The following DRG1 variants were observed in gnomAD, a reference collection of about 807,000 sequenced individuals.
DRG1 encodes the protein developmentally-regulated GTP-binding protein 1.
A neutral mutation model predicts 38.8 loss-of-function variants in DRG1; 19 were observed. That is an observed-to-expected ratio of 0.49 (90% confidence interval 0.34 to 0.72). DRG1 has a LOEUF of 0.72. Among genes scored for constraint, DRG1 ranks in the 30% least tolerant of loss-of-function variants. The pLI is 0.01. For synonymous variants in DRG1, 167 were observed against 157.5 expected (o/e 1.06, Z -0.45); for missense variants, 299 against 444.8 (o/e 0.67, Z 2.95).
intron 4 of DRG1, among the ~76,000 whole-genome samples, chr22:31,413,763 G>A (rs1407129300): frequency 6.6e-6 from 1 of 151,808 alleles, no homozygotes; most frequent in Non-Finnish European, 1.5e-5. Flanking sequence ...ACAGGCACCT[G>A]CCACCACGCC....
chr22:31,409,727 C>G (rs1429915246), intron 3 of DRG1, among the ~76,000 whole-genome samples: 6 of 152,126 alleles, frequency 3.9e-5, no homozygotes, highest in African/African-American at 7.2e-5. Flanking sequence ...GGCATGGTGG[C>G]TCACTCCTGT....
intron 4 of DRG1, among the ~76,000 whole-genome samples, chr22:31,413,609 G>A (rs1417131331): frequency 1.7e-5 from 1 of 60,488 alleles, no homozygotes; most frequent in African/African-American, 7.2e-5. Flanking sequence ...CCTATTGTGG[G>A]TTTTTTTTTT....
At chr22:31,403,405 C>T (rs780905475) in intron 3 of DRG1, among the ~76,000 whole-genome samples, 11 of 152,046 alleles carry the variant, frequency 7.2e-5, no homozygotes, top group Non-Finnish European at 1.2e-4. Flanking sequence ...CAGTGGCTCA[C>T]GCCTGTAATC....
intron 6 of DRG1, among the ~76,000 whole-genome samples, chr22:31,424,644 G>A (rs991101411): frequency 3.3e-5 from 5 of 150,584 alleles, no homozygotes; most frequent in East Asian, 3.9e-4. Flanking sequence ...GATTATAGGC[G>A]CCTGCCACTA....
intron 5 of DRG1, among the ~76,000 whole-genome samples, chr22:31,422,109 CA>C (rs765984253): frequency 3.2e-4 from 39 of 122,334 alleles, no homozygotes; most frequent in Middle Eastern, 4.5e-3. Context: ...GACTCCGTCT[CA>C]AAAAAAAAAA....
chr22:31,424,014 G>A (rs1450348467), intron 6 of DRG1, among the ~76,000 whole-genome samples: 1 of 151,524 alleles, frequency 6.6e-6, no homozygotes, highest in African/African-American at 2.4e-5. Context: ...ACAGGCCTGT[G>A]CCGCCACGCC....
At chr22:31,433,607 T>TA (rs1601538468) in intron 8 of DRG1, among the ~76,000 whole-genome samples, 1 of 152,222 alleles carries the variant, frequency 6.6e-6, no homozygotes, top group East Asian at 1.9e-4. Context: ...TGCTTTCTTT[T>TA]AATTTTAAAC....
intron 1 of DRG1, 122 bp from the exon 2 acceptor site, chr22:31,400,498 C>T: frequency 7.7e-7 from 1 of 1,300,556 alleles, no homozygotes; most frequent in Non-Finnish European, 1.1e-6. Context: ...GACTTTTACT[C>T]TTTTAAAGCC....
chr22:31,399,824 C>T (rs898334036), intron 1 of DRG1, 99 bp downstream of exon 1: 26 of 1,568,068 alleles, frequency 1.7e-5, no homozygotes, highest in Non-Finnish European at 2.0e-5. Flanking sequence ...AGGACCGGGC[C>T]TAGATTCCGC....
chr22:31,419,691 T>C (rs940157919), intron 4 of DRG1, among the ~76,000 whole-genome samples: 1 of 152,086 alleles, frequency 6.6e-6, no homozygotes, highest in Non-Finnish European at 1.5e-5. Context: ...TATTGAACTG[T>C]GTGCTTTAAC....
chr22:31,406,091 T>C (rs2049989184), intron 3 of DRG1, among the ~76,000 whole-genome samples: 1 of 147,738 alleles, frequency 6.8e-6, no homozygotes, highest in South Asian at 2.3e-4. Context: ...TCCAACCTCC[T>C]CCCGGCTTCA....
At chr22:31,402,892 C>A in intron 2 of DRG1, 137 bp from the exon 3 acceptor site, 1 of 923,906 alleles carries the variant, frequency 1.1e-6, no homozygotes, top group Non-Finnish European at 1.6e-6. Flanking sequence ...TGCTTTAGTT[C>A]TCCTTTAAAG....
rs1555899171 is a variant in DRG1 at position 31,424,808 on chromosome 22, C to CA, written c.713+1398_713+1399insA. Among the ~76,000 whole-genome samples, 4 of 43,742 alleles carry CA rather than the reference C, an allele frequency of 9.1e-5. 1 individual carries two copies. Among genetic ancestry groups the CA allele is most frequent in the African/African-American group, 2.7e-4 (2 of 7,288 alleles). 28.7% of individuals were successfully genotyped at this position (43,742 alleles called of 152,430 possible). Reference sequence around the variant, plus strand: ...TGCTGTGCCCGGCACCCGCCCCCCCCCCCTTTTTTTTTTTTTTGGAGTCTT... The same window carrying CA: ...TGCTGTGCCCGGCACCCGCCCCCCCCACCCTTTTTTTTTTTTTTGGAGTCTT... On this transcript the variant is annotated intron_variant, in intron 6 of 8. Coordinates refer to ENST00000331457, the MANE Select transcript of DRG1 (RefSeq NM_004147.4).
At chr22:31,405,313 G>T (rs1000703195) in intron 3 of DRG1, among the ~76,000 whole-genome samples, 4 of 151,642 alleles carry the variant, frequency 2.6e-5, no homozygotes, top group Admixed American at 2.6e-4. Flanking sequence ...GACTACATGC[G>T]CATGCCACCA....
intron 7 of DRG1, 82 bp downstream of exon 7, chr22:31,426,864 A>G: frequency 6.5e-7 from 1 of 1,538,748 alleles, no homozygotes; most frequent in South Asian, 1.3e-5. Flanking sequence ...GCTCATTAAC[A>G]AAATCTGGCT....
At chr22:31,413,621 T>TG (rs1436531690) in intron 4 of DRG1, among the ~76,000 whole-genome samples, 1 of 141,104 alleles carries the variant, frequency 7.1e-6, no homozygotes, top group Non-Finnish European at 1.5e-5. Context: ...TTTTTTTTTT[T>TG]TTTTTTTTTT....
intron 4 of DRG1, among the ~76,000 whole-genome samples, chr22:31,416,406 C>A (rs915297003): frequency 2.6e-5 from 4 of 152,204 alleles, no homozygotes; most frequent in African/African-American, 9.6e-5. Flanking sequence ...AATGACCTGG[C>A]CCCTGGCTGC....
intron 6 of DRG1, 197 bp from the exon 7 acceptor site, chr22:31,426,418 T>G (rs532304299): frequency 2.7e-5 from 14 of 517,482 alleles, no homozygotes. Flanking sequence ...TTGTGGCTGG[T>G]ACTAGGGCCT....
intron 6 of DRG1, among the ~76,000 whole-genome samples, chr22:31,425,223 GA>G (rs1215077548): frequency 1.3e-5 from 2 of 151,970 alleles, no homozygotes; most frequent in African/African-American, 4.8e-5. Context: ...CTCTTCCTAT[GA>G]AATTCTCCGT....
Sources: allele counts gnomAD v4.1 joint callset (sites outside exome capture counted in the v4.1 genomes callset), GRCh38; gene constraint gnomAD v4.1.1; transcripts MANE v1.5; gene names NCBI Gene and HGNC (gene_info 2026-07-23, HGNC 2026-07-21).